Variants in ATP13A3 observed in about 807,000 individuals in gnomAD.
ATP13A3 encodes ATPase 13A3.
In ATP13A3, 59 loss-of-function variants were observed where a neutral mutation model predicts 158.1. That is an observed-to-expected ratio of 0.37 (90% CI 0.30 to 0.46). The LOEUF (loss-of-function observed/expected upper bound fraction) is 0.46, where lower values mean the gene tolerates loss of function less well. Ranked by LOEUF, ATP13A3 falls within the 20% of genes least tolerant of loss-of-function variation. ATP13A3 has a pLI of 1.00. For synonymous variants in ATP13A3, 491 were observed against 504.3 expected (o/e 0.97, Z 0.35); for missense variants, 1,166 against 1,525.2 (o/e 0.76, Z 3.92).
chr3:194,435,902 G>A (rs9830069), intron 20 of ATP13A3, among the ~76,000 whole-genome samples: 24,527 of 151,900 alleles, frequency 0.16, 3,888 homozygotes, highest in African/African-American at 0.41. Flanking sequence ...GCGAGACTCC[G>A]TCTCAAAAGA....
intron 15 of ATP13A3, among the ~76,000 whole-genome samples, chr3:194,442,861 G>A (rs575431887): frequency 6.6e-6 from 1 of 152,218 alleles, no homozygotes; most frequent in South Asian, 2.1e-4. Context: ...AGATTTATCA[G>A]TACCAATTAA....
intron 2 of ATP13A3, among the ~76,000 whole-genome samples, chr3:194,464,034 G>A: frequency 6.6e-6 from 1 of 152,110 alleles, no homozygotes; most frequent in African/African-American, 2.4e-5. Flanking sequence ...GATGGCGGGT[G>A]CCTGTAATCC....
chr3:194,410,325 A>AAAAAAAC lies in ATP13A3; in HGVS notation c.3573+1867_3573+1873dup, dbSNP rs1449579979. Among the ~76,000 whole-genome samples, 70 of 146,738 alleles carry AAAAAAAC rather than the reference A, an allele frequency of 4.8e-4. 3 individuals carry two copies. Among genetic ancestry groups the AAAAAAAC allele is most frequent in the South Asian group, 1.3e-3 (6 of 4,626 alleles). Reference sequence around the variant, plus strand: ...AAAAAAAAAAAAAAAAAAAAAAAAAAAAAAAACTGCTGGGCCTGGGATGGC... The same window carrying AAAAAAAC: ...AAAAAAAAAAAAAAAAAAAAAAAAAAAAAAAACAAAAAACTGCTGGGCCTGGGATGGC... On this transcript the variant is annotated intron_variant, in intron 33 of 33. Transcript: ENST00000645319.
At chr3:194,430,232 G>C (rs1365042192) in intron 25 of ATP13A3, 41 bp downstream of exon 25, 2 of 1,613,250 alleles carry the variant, frequency 1.2e-6, no homozygotes, top group East Asian at 2.2e-5. Context: ...ATTTAGGCTA[G>C]AGTAAGAACT....
At chr3:194,449,829 G>A (rs1398805592) in intron 11 of ATP13A3, among the ~76,000 whole-genome samples, 1 of 152,056 alleles carries the variant, frequency 6.6e-6, no homozygotes, top group African/African-American at 2.4e-5. Flanking sequence ...CATCAAATGG[G>A]GAACCAAATA....
At chr3:194,408,081 G>A (rs1257641642) in intron 33 of ATP13A3, among the ~76,000 whole-genome samples, 2 of 150,278 alleles carry the variant, frequency 1.3e-5, no homozygotes, top group Admixed American at 6.6e-5. Flanking sequence ...GTGCAGTGGC[G>A]TGATCTAAGC....
Position 194,431,663 on chromosome 3 carries a change from C to G in ATP13A3, c.2421+54G>C, listed in dbSNP as rs554753666. The G allele has an allele frequency of 2.7e-5, 38 of 1,416,628 alleles. No individual in the cohort carries two copies. In the African/African-American group the frequency reaches 5.3e-4, roughly 20 times the overall value. The allele number at this position is 1,416,628 out of a possible 1,614,324, so 87.8% of individuals were successfully genotyped here. A position where few individuals can be genotyped will look rare whatever the true frequency, so the allele number is the denominator to read the frequency against. On this transcript the variant is annotated intron_variant, in intron 22 of 33. Coordinates refer to ENST00000645319, the MANE Select transcript of ATP13A3 (RefSeq NM_001367549.1). ...TAATGCACCACTTTTTTTATTTTTT[C>G]AGACTAAATTTAAATCAACAAACTT... is the stretch of plus-strand genomic sequence containing the variant.
At chr3:194,476,480 T>C (rs1720528501) in intron 2 of ATP13A3, among the ~76,000 whole-genome samples, 2 of 152,170 alleles carry the variant, frequency 1.3e-5, no homozygotes, top group South Asian at 4.1e-4. Context: ...ATGAGTTGCC[T>C]AAAAAGCCAA....
At chr3:194,461,871 A>G (rs540800663) in intron 3 of ATP13A3, among the ~76,000 whole-genome samples, 4 of 152,350 alleles carry the variant, frequency 2.6e-5, no homozygotes, top group African/African-American at 7.2e-5. Flanking sequence ...ATTTAGGATT[A>G]TATTAGCCAA....
intron 33 of ATP13A3, 141 bp from the exon 34 acceptor site, chr3:194,406,257 A>T: frequency 2.1e-6 from 2 of 930,922 alleles, no homozygotes; most frequent in Non-Finnish European, 3.1e-6. Context: ...GGGAAAAAAA[A>T]ATCCATGTTA....
chr3:194,453,260 C>A (rs1718941721), intron 10 of ATP13A3, among the ~76,000 whole-genome samples: 1 of 121,260 alleles, frequency 8.2e-6, no homozygotes, highest in African/African-American at 3.2e-5. Flanking sequence ...GCCTGTGCAA[C>A]AGTGAGACCA....
intron 29 of ATP13A3, among the ~76,000 whole-genome samples, chr3:194,426,431 C>T (rs1334363965): frequency 6.6e-6 from 1 of 152,114 alleles, no homozygotes; most frequent in African/African-American, 2.4e-5. Context: ...TATTTTTCCC[C>T]TTAAGTTTTA....
Position 194,405,604 on chromosome 3 carries a change from A to G in ATP13A3, c.*315T>C, listed in dbSNP as rs1165669026. The G allele has an allele frequency of 8.4e-6, 2 of 237,174 alleles. No homozygotes were observed. Among genetic ancestry groups the G allele is most frequent in the East Asian group, 2.1e-4 (2 of 9,730 alleles). The allele number at this position is 237,174 out of a possible 1,614,324, so 14.7% of individuals were successfully genotyped here. A position where few individuals can be genotyped will look rare whatever the true frequency, so the allele number is the denominator to read the frequency against. ...AAAAACTAATGTTGAAAAACCTACC[A>G]AACACCAAACTTCTCCTGTACCCAA... On this transcript the variant is annotated 3_prime_UTR_variant, in exon 34 of 34. Coordinates refer to ENST00000645319, the MANE Select transcript of ATP13A3 (RefSeq NM_001367549.1).
At chr3:194,437,524 T>C (rs750489095) in intron 18 of ATP13A3, 32 bp downstream of exon 18, 2 of 1,612,262 alleles carry the variant, frequency 1.2e-6, no homozygotes, top group South Asian at 1.1e-5. Context: ...AAAACAAATA[T>C]ACTTAGTAAG....
intron 16 of ATP13A3, among the ~76,000 whole-genome samples, chr3:194,440,631 A>G (rs891582136): frequency 2.6e-5 from 4 of 152,210 alleles, no homozygotes; most frequent in Admixed American, 2.6e-4. Flanking sequence ...TTTTTAGAGT[A>G]AAAAAGTGCC....
Position 194,437,653 on chromosome 3 carries a change from A to T in ATP13A3, c.1828-80T>A, listed in dbSNP as rs558348526. The T allele has an allele frequency of 2.2e-6, 3 of 1,355,942 alleles. No homozygotes were observed. In the South Asian group the frequency reaches 4.1e-5, roughly 18 times the overall value. 84.0% of individuals were successfully genotyped at this position (1,355,942 alleles called of 1,614,324 possible). Reference sequence around the variant, plus strand: ...TAAAGTTAGAAAAAGTTTACTAAGCATCCACAAAACATTATTTGGAAAAGA... The same window carrying T: ...TAAAGTTAGAAAAAGTTTACTAAGCTTCCACAAAACATTATTTGGAAAAGA... On this transcript the variant is annotated intron_variant, in intron 17 of 33. Coordinates refer to ENST00000645319, the MANE Select transcript of ATP13A3 (RefSeq NM_001367549.1).
chr3:194,435,692 AG>A (rs1717581084), intron 20 of ATP13A3, among the ~76,000 whole-genome samples: 1 of 152,202 alleles, frequency 6.6e-6, no homozygotes, highest in Admixed American at 6.5e-5. Context: ...GCAGATCACA[AG>A]GTCAGGAGTT....
chr3:194,454,554 C>G (rs557063170), intron 8 of ATP13A3, among the ~76,000 whole-genome samples, 162 bp from the exon 9 acceptor site: 3 of 152,168 alleles, frequency 2.0e-5, no homozygotes, highest in African/African-American at 7.2e-5. Flanking sequence ...GCAGGCTGGG[C>G]GCGGTGGCTC....
chr3:194,458,933 TTAA>T (rs1719443467), intron 6 of ATP13A3: 1 of 152,286 alleles, frequency 6.6e-6, no homozygotes, highest in South Asian at 2.1e-4. Context: ...AGCAACGATA[TTAA>T]TGAGTATTTA....
Sources: allele counts gnomAD v4.1 joint callset (sites outside exome capture counted in the v4.1 genomes callset), GRCh38; gene constraint gnomAD v4.1.1; transcripts MANE v1.5; gene names NCBI Gene and HGNC (gene_info 2026-07-23, HGNC 2026-07-21).